CTNNA2: variants seen among roughly 807,000 people sequenced by gnomAD.
CTNNA2 encodes catenin alpha-2.
CTNNA2 carries 42 observed loss-of-function variants against 101.0 expected under a neutral mutation model. The ratio of observed to expected loss-of-function variants is 0.42; its 90% confidence interval spans 0.32 to 0.54. CTNNA2 has a LOEUF of 0.54. Ranked by LOEUF, CTNNA2 falls within the 20% of genes least tolerant of loss-of-function variation. The pLI is 0.14. For missense variants in CTNNA2, 871 were observed against 1,223.1 expected (o/e 0.71, Z 4.29); for synonymous variants, 450 against 456.4 (o/e 0.99, Z 0.18).
intron 11 of CTNNA2, among the ~76,000 whole-genome samples, chr2:80,551,795 G>A (rs190259220): frequency 5.9e-5 from 9 of 152,202 alleles, no homozygotes; most frequent in Admixed American, 2.0e-4. Flanking sequence ...TCTTATCTGG[G>A]TGTTCATTGG....
chr2:79,277,463 G>A lies in CTNNA2; in HGVS notation c.-405-35246G>A, dbSNP rs61315719. ...CAGGAGGTCAGGATGCAGCCTGGGGGCAAGACAGCAGTCAGCCTGAAGCAT... is the reference window on the plus strand; with the variant it reads ...CAGGAGGTCAGGATGCAGCCTGGGGACAAGACAGCAGTCAGCCTGAAGCAT... On this transcript the variant is annotated intron_variant, in intron 2 of 21. Transcript: ENST00000466387. Among the ~76,000 whole-genome samples, 867 of 152,090 alleles carry A rather than the reference G, an allele frequency of 5.7e-3. 5 individuals are homozygous for A. Among genetic ancestry groups the A allele is most frequent in the African/African-American group, 0.02 (823 of 41,504 alleles).
chr2:79,774,785 G>A (rs1469508073), intron 3 of CTNNA2, among the ~76,000 whole-genome samples: 1 of 152,078 alleles, frequency 6.6e-6, no homozygotes, highest in Non-Finnish European at 1.5e-5. Flanking sequence ...CCCAATATTA[G>A]GAAATTTCTA....
At chr2:80,454,426 C>CCCCATG (rs747448031) in intron 9 of CTNNA2, among the ~76,000 whole-genome samples, 6 of 152,156 alleles carry the variant, frequency 3.9e-5, no homozygotes, top group African/African-American at 7.2e-5. Context: ...TCTGTACCTT[C>CCCCATG]CCCATGTGTA....
At chr2:80,168,945 C>T (rs1704871987) in intron 7 of CTNNA2, among the ~76,000 whole-genome samples, 1 of 152,148 alleles carries the variant, frequency 6.6e-6, no homozygotes, top group Non-Finnish European at 1.5e-5. Flanking sequence ...TTGATCTTGG[C>T]AAGAGGAGCA....
intron 3 of CTNNA2, among the ~76,000 whole-genome samples, chr2:79,319,021 C>T (rs950293397): frequency 1.1e-4 from 17 of 152,118 alleles, no homozygotes; most frequent in African/African-American, 3.6e-4. Context: ...GAGGCTAGTA[C>T]TAAAGATAAG....
At chr2:79,692,793 T>G (rs1276811902) in intron 2 of CTNNA2, among the ~76,000 whole-genome samples, 1 of 148,640 alleles carries the variant, frequency 6.7e-6, no homozygotes, top group African/African-American at 2.5e-5. Context: ...AAACACCACA[T>G]GTTCTCACTC....
chr2:79,267,989 A>C (rs1047711318), intron 2 of CTNNA2, among the ~76,000 whole-genome samples: 3 of 152,100 alleles, frequency 2.0e-5, no homozygotes, highest in Non-Finnish European at 4.4e-5. Flanking sequence ...TTATCAAAGC[A>C]CTCACTGACC....
chr2:80,267,951 G>T (rs1673141321), intron 7 of CTNNA2, among the ~76,000 whole-genome samples: 1 of 152,198 alleles, frequency 6.6e-6, no homozygotes, highest in African/African-American at 2.4e-5. Flanking sequence ...CCCAGCTACT[G>T]CCCTAGAGGC....
At chr2:79,820,587 A>G (rs1049834027) in intron 3 of CTNNA2, among the ~76,000 whole-genome samples, 1 of 152,236 alleles carries the variant, frequency 6.6e-6, no homozygotes, top group Non-Finnish European at 1.5e-5. Flanking sequence ...CTTAATGTGT[A>G]TGCATATATG....
At chr2:79,249,431 C>T (rs1446831858) in intron 2 of CTNNA2, among the ~76,000 whole-genome samples, 3 of 152,112 alleles carry the variant, frequency 2.0e-5, no homozygotes, top group East Asian at 1.9e-4. Context: ...ATCACCTGGA[C>T]GTTAATCAAA....
chr2:80,295,811 G>A (rs1247316345), intron 7 of CTNNA2, among the ~76,000 whole-genome samples: 1 of 152,174 alleles, frequency 6.6e-6, no homozygotes, highest in Non-Finnish European at 1.5e-5. Flanking sequence ...CTGCAGAAAT[G>A]TTATGATTAA....
intron 12 of CTNNA2, chr2:80,572,875 A>G (rs1198428384): frequency 1.3e-5 from 2 of 152,216 alleles, no homozygotes; most frequent in Non-Finnish European, 2.9e-5. Flanking sequence ...AATTTCTACT[A>G]AAGTGTGGGC....
intron 2 of CTNNA2, among the ~76,000 whole-genome samples, chr2:79,653,609 A>G (rs1227952717): frequency 1.3e-5 from 2 of 152,136 alleles, no homozygotes; most frequent in Non-Finnish European, 2.9e-5. Context: ...CAGACATAAA[A>G]TTGGCTTTCT....
At chr2:79,966,511 CAGGCTTT>C (rs1397364387) in intron 7 of CTNNA2, among the ~76,000 whole-genome samples, 1 of 152,196 alleles carries the variant, frequency 6.6e-6, no homozygotes, top group Admixed American at 6.5e-5. Context: ...GCTAGGATTA[CAGGCTTT>C]AGCCTCTGTG....
At chr2:80,265,271 G>A (rs567588840) in intron 7 of CTNNA2, among the ~76,000 whole-genome samples, 67 of 152,116 alleles carry the variant, frequency 4.4e-4, no homozygotes, top group Non-Finnish European at 8.4e-4. Context: ...CACTCCTCCC[G>A]GCCAGGAAGA....
intron 9 of CTNNA2, among the ~76,000 whole-genome samples, chr2:80,425,675 G>C (rs901324156): frequency 6.6e-6 from 1 of 152,066 alleles, no homozygotes; most frequent in African/African-American, 2.4e-5. Context: ...TGAGTTTAAT[G>C]ATAGTATATT....
At chr2:80,112,347 A>G (rs1701267533) in intron 7 of CTNNA2, among the ~76,000 whole-genome samples, 1 of 152,192 alleles carries the variant, frequency 6.6e-6, no homozygotes, top group Non-Finnish European at 1.5e-5. Flanking sequence ...TGGCAGAATT[A>G]TTTGCAACAG....
At chr2:80,420,927 G>A (rs766881980) in intron 9 of CTNNA2, among the ~76,000 whole-genome samples, 1 of 152,312 alleles carries the variant, frequency 6.6e-6, no homozygotes, top group African/African-American at 2.4e-5. Context: ...TAAAACTAGG[G>A]TAATACAATA....
intron 7 of CTNNA2, among the ~76,000 whole-genome samples, chr2:80,370,578 A>T: frequency 6.6e-6 from 1 of 152,150 alleles, no homozygotes; most frequent in Non-Finnish European, 1.5e-5. Flanking sequence ...GGAGAAAAAA[A>T]CTTAAAAATT....
Sources: allele counts gnomAD v4.1 joint callset (sites outside exome capture counted in the v4.1 genomes callset), GRCh38; gene constraint gnomAD v4.1.1; transcripts MANE v1.5; gene names NCBI Gene and HGNC (gene_info 2026-07-23, HGNC 2026-07-21).